The following DDX20 variants were observed in gnomAD, a reference collection of about 807,000 sequenced individuals.
DDX20 encodes the protein probable ATP-dependent RNA helicase DDX20.
In DDX20, 61 loss-of-function variants were observed where a neutral mutation model predicts 76.4. The ratio of observed to expected loss-of-function variants is 0.80; its 90% confidence interval spans 0.65 to 0.99. The LOEUF is 0.99. Among genes scored for constraint, DDX20 ranks in the 50% least tolerant of loss-of-function variants. The pLI, the probability that DDX20 is intolerant of heterozygous loss-of-function variation, is 0.00. For missense variants in DDX20, 976 were observed against 996.8 expected, an observed-to-expected ratio of 0.98 and a Z score of 0.28; for synonymous variants, 357 against 357.4, an observed-to-expected ratio of 1.00 and a Z score of 0.01.
chr1:111,761,194 A>G, intron 6 of DDX20, 32 bp from the exon 7 acceptor site: 1 of 1,611,748 alleles, frequency 6.2e-7, no homozygotes. Flanking sequence ...CAATATTTGT[A>G]AATTTGTAAC....
At chr1:111,762,879 A>C in intron 9 of DDX20, 27 bp from the exon 10 acceptor site, 2 of 1,596,192 alleles carry the variant, frequency 1.3e-6, no homozygotes, top group South Asian at 2.2e-5. Context: ...AAAATGATTT[A>C]CTACCTAACA....
At position 111,760,640 on chromosome 1, in the gene DDX20, C is replaced by G. The variant is rs757872777; in HGVS notation, c.680+52C>G. ...TAAAACAGTGTTCCGAAGTATCTAT[C>G]TTTAGCTTTTCCAAGTGGTGATTAT... On this transcript the variant is annotated intron_variant, in intron 4 of 10. Transcript: ENST00000369702. 6.9e-6 allele frequency: 11 copies of G among 1,599,734 alleles called. No homozygotes were observed. The Admixed American group carries it at 1.9e-4, about 28-fold the overall frequency.
At chr1:111,761,426 T>G (rs1423638177) in intron 7 of DDX20, 142 bp downstream of exon 7, 1 of 620,366 alleles carries the variant, frequency 1.6e-6, no homozygotes, top group African/African-American at 1.9e-5. Flanking sequence ...ATTTTCAGGC[T>G]TATTTTTCAT....
In DDX20 at chr1:111,760,504, A is replaced by C; in HGVS notation, c.596A>C (p.Tyr199Ser). ...ATTAAGCAACTCATAGAACTTGACT[A>C]CTTGAACCCAGGCAGTATACGCCTC... ...GRIKQLIELDYLNPGSIRLFI... is the reference protein window; with the variant it reads ...GRIKQLIELDSLNPGSIRLFI... Residue 199 changes from tyrosine (Y) to serine (S), a missense_variant, in exon 4 of 11, where the codon TAC becomes TCC. By Grantham distance (144) the Tyr-to-Ser change is moderately radical. This residue lies in a region of DDX20 where 343 missense variants were observed against 286.4 expected (regional missense o/e 1.20). Coordinates refer to ENST00000369702, the MANE Select transcript of DDX20 (RefSeq NM_007204.5). The C allele has an allele frequency of 6.2e-7, 1 of 1,607,838 alleles. No individual in the cohort carries two copies. Among genetic ancestry groups the C allele is most frequent in the African/African-American group, 1.3e-5 (1 of 74,546 alleles).
At position 111,767,465 on chromosome 1, in the gene DDX20, G is replaced by GT. The variant is rs1663806090; in HGVS notation, c.*567dup. ...CTTCCAGTAAAAATATTTGTTTTTA[G>GT]TAAAAACAAATTTAAATATATTTAC... On this transcript the variant is annotated 3_prime_UTR_variant, in exon 11 of 11. Coordinates refer to ENST00000369702, the MANE Select transcript of DDX20 (RefSeq NM_007204.5). 1 of 143,626 alleles carries GT rather than the reference G, an allele frequency of 7.0e-6. No homozygotes were observed. The highest frequency in any genetic ancestry group is 2.8e-5 in the African/African-American group (1 of 35,120). 8.9% of individuals were successfully genotyped at this position (143,626 alleles called of 1,614,324 possible). A position where few individuals can be genotyped will look rare whatever the true frequency, so the allele number is the denominator to read the frequency against.
rs765114524 is a variant in DDX20, at chr1:111,759,521, A to G, written c.518A>G (p.Gln173Arg). ...HVFIGGTPLS[Q>R]DKTRLKKCHI... is the part of the protein sequence containing the mutation. Reference sequence around the variant, plus strand: ...TTTATTGGAGGGACCCCATTATCACAAGACAAAACCAGACTTAAAAAGTGT... The same window carrying G: ...TTTATTGGAGGGACCCCATTATCACGAGACAAAACCAGACTTAAAAAGTGT... The change falls in exon 3 of 11, where the codon CAA (glutamine) becomes CGA (arginine). Residue 173 changes from glutamine (Q) to arginine (R), a missense_variant. Physicochemically the swap from Gln to Arg is conservative, Grantham distance 43 (BLOSUM62 1). This residue lies in a region of DDX20 where 343 missense variants were observed against 286.4 expected (regional missense o/e 1.20). Transcript: ENST00000369702. 8 of 1,613,908 alleles carry G rather than the reference A, an allele frequency of 5.0e-6. No individual in the cohort carries two copies. Among genetic ancestry groups the G allele is most frequent in the Non-Finnish European group, 6.8e-6 (8 of 1,179,994 alleles).
In DDX20 at chr1:111,766,935, A is replaced by T. The variant is rs2101428424; in HGVS notation, c.*36A>T. The T allele has an allele frequency of 1.3e-6, 2 of 1,498,724 alleles. No homozygotes were observed. The highest frequency in any genetic ancestry group is 4.5e-5 in the East Asian group (2 of 44,118). 92.8% of individuals were successfully genotyped at this position (1,498,724 alleles called of 1,614,324 possible). A position where few individuals can be genotyped will look rare whatever the true frequency, so the allele number is the denominator to read the frequency against. ...TACCTGAGACCATCAGGAACTGTCA[A>T]CAAATGATACCTTTGGATATCCATC... On this transcript the variant is annotated 3_prime_UTR_variant, in exon 11 of 11. Coordinates refer to ENST00000369702, the MANE Select transcript of DDX20 (RefSeq NM_007204.5).
intron 9 of DDX20, 30 bp from the exon 10 acceptor site, chr1:111,762,876 T>C: frequency 1.3e-6 from 2 of 1,599,122 alleles, no homozygotes; most frequent in South Asian, 1.1e-5. Context: ...GTGAAAATGA[T>C]TTACTACCTA....
At chr1:111,761,369 G>A (rs1663672276) in intron 7 of DDX20, 85 bp downstream of exon 7, 1 of 1,092,662 alleles carries the variant, frequency 9.2e-7, no homozygotes, top group East Asian at 2.4e-5. Context: ...CACTTTATGA[G>A]TTGTCTTGAG....
At chr1:111,759,016 G>C (rs1427986848) in intron 2 of DDX20, among the ~76,000 whole-genome samples, 1 of 152,136 alleles carries the variant, frequency 6.6e-6, no homozygotes, top group East Asian at 1.9e-4. Context: ...CTCAGGGCAG[G>C]ATGGAGGAAC....
chr1:111,762,411 A>T (rs558057845), intron 8 of DDX20, 74 bp downstream of exon 8: 8 of 1,223,616 alleles, frequency 6.5e-6, no homozygotes, highest in Admixed American at 2.0e-5. Flanking sequence ...CAGATTTCAT[A>T]TATTATTTTA....
chr1:111,756,118 A>G lies in DDX20; in HGVS notation c.194A>G (p.Glu65Gly). 1 of 1,594,962 alleles carries G rather than the reference A, an allele frequency of 6.3e-7. No homozygotes were observed. The highest frequency in any genetic ancestry group is 1.1e-5 in the South Asian group (1 of 90,110). ...CTGTTGGCGGAGCCGGCCGACTTCG[A>G]GTCACTGCTGCTTTCGCGGCCGGTG... ...DVLLAEPADFESLLLSRPVLE... is the reference protein window; with the variant it reads ...DVLLAEPADFGSLLLSRPVLE... Residue 65 changes from glutamate (E) to glycine (G), a missense_variant, in exon 1 of 11, where the codon GAG becomes GGG. Transcript: ENST00000369702.
chr1:111,767,028 C>T lies in DDX20; in HGVS notation c.*129C>T. 1.6e-6 allele frequency: 1 copy of T among 624,950 alleles called. No individual in the cohort carries two copies. Among genetic ancestry groups the T allele is most frequent in the Non-Finnish European group, 2.6e-6 (1 of 379,342 alleles). 38.7% of individuals were successfully genotyped at this position (624,950 alleles called of 1,614,324 possible). The stretch of plus-strand genomic sequence containing the variant: ...TAAACTTGAAAAGACTTGAGTCTTT[C>T]CACTGGGACACATCCATTTTTCAGA... On this transcript the variant is annotated 3_prime_UTR_variant, in exon 11 of 11. Coordinates refer to ENST00000369702, the MANE Select transcript of DDX20 (RefSeq NM_007204.5).
intron 7 of DDX20, 90 bp downstream of exon 7, chr1:111,761,374 C>G: frequency 9.7e-7 from 1 of 1,025,796 alleles, no homozygotes; most frequent in Non-Finnish European, 1.4e-6. Flanking sequence ...TATGAGTTGT[C>G]TTGAGAGTGT....
rs1467591270 is a variant in DDX20 at position 111,766,272 on chromosome 1, C to T, written c.1848C>T (p.Tyr616=). 6.2e-7 allele frequency: 1 copy of T among 1,614,152 alleles called. No individual in the cohort carries two copies. The highest frequency in any genetic ancestry group is 8.5e-7 in the Non-Finnish European group (1 of 1,180,028). ...AACCTGTGGAAATCATCAGGCACTACACAGGCCCTGGGGATCAGACTGTGA... is the reference window on the plus strand; with the variant it reads ...AACCTGTGGAAATCATCAGGCACTATACAGGCCCTGGGGATCAGACTGTGA... ...LEKPVEIIRH[Y]TGPGDQTVNP... The change falls in exon 11 of 11, where the codon TAC becomes TAT. Residue 616 remains tyrosine (Y), a synonymous_variant. Coordinates refer to ENST00000369702, the MANE Select transcript of DDX20 (RefSeq NM_007204.5).
rs954828803 is a variant in DDX20, at chr1:111,761,005, A to G, written c.842A>G (p.Lys281Arg). The change falls in exon 6 of 11, where the codon AAA becomes AGA. Residue 281 changes from lysine (K) to arginine (R), a missense_variant. Coordinates refer to ENST00000369702, the MANE Select transcript of DDX20 (RefSeq NM_007204.5). ...PSLIGLKQYY[K>R]VVNSYPLAHK... The stretch of plus-strand genomic sequence containing the variant: ...TTTGTAGGTTTGAAGCAGTATTACA[A>G]AGTTGTCAATTCATACCCTTTGGCA... 6.2e-6 allele frequency: 10 copies of G among 1,613,660 alleles called. No individual in the cohort carries two copies. The highest frequency in any genetic ancestry group is 1.3e-5 in the African/African-American group (1 of 74,926).
rs755391529 is a variant in DDX20 at position 111,759,567 on chromosome 1, T to G, written c.564T>G (p.Pro188=). The change falls in exon 3 of 11, where the codon CCT becomes CCG. Residue 188 remains proline (P), a splice_region_variant and synonymous_variant. Transcript: ENST00000369702. ...LKKCHIAVGS[P]GRIKQLIELD... Reference sequence around the variant, plus strand: ...AGTGTCATATTGCTGTTGGATCTCCTGGTAAGATAACAATGCCTGTTGGTA... The same window carrying G: ...AGTGTCATATTGCTGTTGGATCTCCGGGTAAGATAACAATGCCTGTTGGTA... 2 of 1,611,216 alleles carry G rather than the reference T, an allele frequency of 1.2e-6. No individual in the cohort carries two copies. The highest frequency in any genetic ancestry group is 1.7e-6 in the Non-Finnish European group (2 of 1,179,094).
intron 7 of DDX20, chr1:111,761,669 T>C (rs2101420755): frequency 6.3e-6 from 1 of 157,802 alleles, no homozygotes; most frequent in African/African-American, 2.4e-5. Flanking sequence ...CTGAATTGAC[T>C]GTTTTATGGT....
At chr1:111,760,662 T>G (rs1304188580) in intron 4 of DDX20, 44 bp from the exon 5 acceptor site, 2 of 1,602,716 alleles carry the variant, frequency 1.2e-6, no homozygotes, top group East Asian at 4.5e-5. Context: ...CAAGTGGTGA[T>G]TATTGTTTGA....
Sources: allele counts gnomAD v4.1 joint callset (sites outside exome capture counted in the v4.1 genomes callset), GRCh38; gene constraint gnomAD v4.1.1; regional missense constraint gnomAD v4.1.1; transcripts MANE v1.5; gene names NCBI Gene and HGNC (gene_info 2026-07-23, HGNC 2026-07-21).